The following HPSE2 variants were observed in gnomAD, a reference collection of about 807,000 sequenced individuals.
HPSE2 encodes inactive heparanase-2.
In HPSE2, 38 loss-of-function variants were observed where a neutral mutation model predicts 60.5. That is an observed-to-expected ratio of 0.63 (90% CI 0.48 to 0.82). The LOEUF (loss-of-function observed/expected upper bound fraction) is 0.82. Among genes scored for constraint, HPSE2 ranks in the 40% least tolerant of loss-of-function variants. HPSE2 has a pLI of 0.00. For missense variants in HPSE2, 713 were observed against 740.4 expected, an observed-to-expected ratio of 0.96 and a Z score of 0.43; for synonymous variants, 295 against 293.2, an observed-to-expected ratio of 1.01 and a Z score of -0.06.
intron 3 of HPSE2, among the ~76,000 whole-genome samples, chr10:99,138,494 T>C (rs534297575): frequency 3.9e-5 from 6 of 152,108 alleles, no homozygotes; most frequent in Non-Finnish European, 5.9e-5. Context: ...ACCAACCCAA[T>C]TGTCCATCCA....
At chr10:99,014,582 G>A (rs1441472346) in intron 3 of HPSE2, among the ~76,000 whole-genome samples, 1 of 152,150 alleles carries the variant, frequency 6.6e-6, no homozygotes, top group African/African-American at 2.4e-5. Context: ...CAGTGTATAA[G>A]TGTTCCGTTT....
chr10:98,584,589 T>C (rs1423815089), intron 9 of HPSE2, among the ~76,000 whole-genome samples: 1 of 152,146 alleles, frequency 6.6e-6, no homozygotes, highest in Non-Finnish European at 1.5e-5. Context: ...CACCTCAAAA[T>C]CCCCACCTGG....
intron 3 of HPSE2, among the ~76,000 whole-genome samples, chr10:99,114,090 C>T (rs181331559): frequency 1.7e-5 from 2 of 114,376 alleles, no homozygotes; most frequent in African/African-American, 4.9e-5. Flanking sequence ...GGAAAAATTT[C>T]CACTCCAATC....
At chr10:99,201,361 T>C (rs1231868019) in intron 2 of HPSE2, among the ~76,000 whole-genome samples, 1 of 152,116 alleles carries the variant, frequency 6.6e-6, no homozygotes, top group East Asian at 1.9e-4. Context: ...TTTTGGTCCT[T>C]CTAACCTAGG....
At chr10:98,981,317 A>G (rs1489702011) in intron 3 of HPSE2, among the ~76,000 whole-genome samples, 1 of 152,014 alleles carries the variant, frequency 6.6e-6, no homozygotes, top group Non-Finnish European at 1.5e-5. Flanking sequence ...TTCCTTTCCA[A>G]TTTTTCCCTG....
At chr10:98,860,024 T>G (rs139508301) in intron 3 of HPSE2, among the ~76,000 whole-genome samples, 116 of 152,318 alleles carry the variant, frequency 7.6e-4, no homozygotes, top group African/African-American at 2.7e-3. Flanking sequence ...TTAAACTTTA[T>G]CATAGGTATA....
chr10:99,126,262 G>C lies in HPSE2; in HGVS notation c.610+17976C>G, dbSNP rs142699382. ...TCCCCTCTGGAATATAACCCCATTG[G>C]CCTGAGAACCACAACCAATCCCCCA... On this transcript the variant is annotated intron_variant, in intron 3 of 11. Coordinates refer to ENST00000370552, the MANE Select transcript of HPSE2 (RefSeq NM_021828.5). This position sits in a 1 kb window ranked among gnomAD's most constrained non-coding sequence, Gnocchi z 4.0. Among the ~76,000 whole-genome samples, 471 of 152,136 alleles carry C rather than the reference G, an allele frequency of 3.1e-3. 1 individual carries two copies. Among genetic ancestry groups the C allele is most frequent in the Middle Eastern group, 6.8e-3 (2 of 294 alleles).
At chr10:98,717,078 T>C (rs1176214442) in intron 5 of HPSE2, among the ~76,000 whole-genome samples, 1 of 152,144 alleles carries the variant, frequency 6.6e-6, no homozygotes, top group Non-Finnish European at 1.5e-5. Context: ...TGCTTTCCCT[T>C]GTACTTTTTA....
intron 3 of HPSE2, among the ~76,000 whole-genome samples, chr10:99,085,279 A>T (rs926497352): frequency 6.6e-6 from 1 of 152,206 alleles, no homozygotes; most frequent in African/African-American, 2.4e-5. Flanking sequence ...TTTCATAATA[A>T]AGAAAATGAG....
At chr10:98,985,677 A>G (rs1956325016) in intron 3 of HPSE2, among the ~76,000 whole-genome samples, 1 of 152,212 alleles carries the variant, frequency 6.6e-6, no homozygotes, top group Non-Finnish European at 1.5e-5. Context: ...AAATGCTCCA[A>G]TTAAAAGACA....
chr10:99,235,466 G>C (rs772888721), intron 1 of HPSE2, 47 bp downstream of exon 1: 2 of 1,551,436 alleles, frequency 1.3e-6, no homozygotes, highest in Non-Finnish European at 1.8e-6. Context: ...GGCTTGAGGG[G>C]GTGTTACTAA....
In HPSE2 at chr10:98,939,488, C is replaced by A. The variant is rs534727810; in HGVS notation, c.611-195432G>T. ...AAAAGATCAAAAGAGACAAAGAAGG[C>A]CATTACATAATGGTAAAGGGATCAA... is the stretch of plus-strand genomic sequence containing the variant. On this transcript the variant is annotated intron_variant, in intron 3 of 11. Transcript: ENST00000370552. Among the ~76,000 whole-genome samples the A allele has an allele frequency of 1.1e-3, 158 of 142,424 alleles. 27 individuals are homozygous for A. Among genetic ancestry groups the A allele is most frequent in the African/African-American group, 4.2e-3 (147 of 34,878 alleles). The allele number at this position is 142,424 out of a possible 152,430, so 93.4% of individuals were successfully genotyped here. A position where few individuals can be genotyped will look rare whatever the true frequency, so the allele number is the denominator to read the frequency against.
chr10:98,724,052 A>G (rs1295750402), intron 4 of HPSE2, among the ~76,000 whole-genome samples: 1 of 151,736 alleles, frequency 6.6e-6, no homozygotes, highest in Non-Finnish European at 1.5e-5. Flanking sequence ...TTTAATTGGG[A>G]TGTTAGGGTG....
At chr10:98,923,222 T>G (rs965782418) in intron 3 of HPSE2, among the ~76,000 whole-genome samples, 2 of 152,210 alleles carry the variant, frequency 1.3e-5, no homozygotes, top group African/African-American at 4.8e-5. Flanking sequence ...CTCATGCCAC[T>G]CTCTCCTGAC....
intron 2 of HPSE2, among the ~76,000 whole-genome samples, chr10:99,177,868 G>A (rs1043312854): frequency 1.1e-4 from 17 of 152,014 alleles, no homozygotes; most frequent in African/African-American, 3.6e-4. Flanking sequence ...CACATAATTG[G>A]AAGTAAAACA....
At chr10:98,504,898 A>G (rs572410192) in intron 9 of HPSE2, among the ~76,000 whole-genome samples, 1 of 152,198 alleles carries the variant, frequency 6.6e-6, no homozygotes, top group South Asian at 2.1e-4. Context: ...CTTTATCCAC[A>G]TATCTACTCA....
chr10:99,132,534 T>C (rs140487836), intron 3 of HPSE2, among the ~76,000 whole-genome samples: 1 of 151,996 alleles, frequency 6.6e-6, no homozygotes, highest in Non-Finnish European at 1.5e-5. Context: ...CATTTCCAAC[T>C]GAGGTACCTG....
intron 11 of HPSE2, chr10:98,461,837 A>G (rs1487075538): frequency 6.4e-7 from 1 of 1,569,118 alleles, no homozygotes; most frequent in Admixed American, 1.8e-5. Flanking sequence ...GTGCAAAACA[A>G]CGTGTGATTA....
chr10:99,091,942 T>C (rs776428228), intron 3 of HPSE2, among the ~76,000 whole-genome samples: 2 of 152,338 alleles, frequency 1.3e-5, no homozygotes, highest in African/African-American at 2.4e-5. Context: ...GTTACATGCA[T>C]GAGCTCAATT....
Sources: gnomAD v4.1 joint callset for allele counts (sites outside exome capture counted in the v4.1 genomes callset) on GRCh38, gnomAD v4.1.1 for gene constraint, Gnocchi (gnomAD v3.1) non-coding constraint, MANE v1.5 for transcripts, NCBI Gene and HGNC (gene_info 2026-07-23, HGNC 2026-07-21) for gene names.